CCDC88C: variants seen among roughly 807,000 people sequenced by gnomAD.
CCDC88C encodes the protein protein Daple.
In CCDC88C, 131 loss-of-function variants were observed where a neutral mutation model predicts 198.8. The observed-to-expected ratio is 0.66, with a 90% CI of 0.57 to 0.76. The LOEUF (loss-of-function observed/expected upper bound fraction) is 0.76. CCDC88C is among the 30% of genes least tolerant of loss of function. The probability of loss-of-function intolerance (pLI) is 0.00; values close to 1 mark genes in which losing one functional copy is unlikely to be tolerated. For synonymous variants in CCDC88C, 1,166 were observed against 1,114.7 expected (o/e 1.05, Z -0.92); for missense variants, 2,553 against 2,631.6 (o/e 0.97, Z 0.65).
intron 10 of CCDC88C, among the ~76,000 whole-genome samples, chr14:91,328,814 C>T (rs757293253): frequency 1.3e-4 from 20 of 152,166 alleles, no homozygotes; most frequent in Non-Finnish European, 2.5e-4. Flanking sequence ...CAACTCACAC[C>T]GACAGAGCAC....
intron 2 of CCDC88C, among the ~76,000 whole-genome samples, chr14:91,412,161 T>C (rs2140019542): frequency 6.6e-6 from 1 of 152,196 alleles, no homozygotes; most frequent in South Asian, 2.1e-4. Flanking sequence ...ATCCCTAATT[T>C]ATCACAGGTT....
rs139627172 is a variant in CCDC88C at position 91,336,036 on chromosome 14, A to G, written c.1050+1969T>C. On this transcript the variant is annotated intron_variant, in intron 10 of 29. Coordinates refer to ENST00000389857, the MANE Select transcript of CCDC88C (RefSeq NM_001080414.4). ...CCCTGAGTAAATGTCTCATGCAGAGAGACACTATTTCTCTTTCTCTTGTGA... is the reference window on the plus strand; with the variant it reads ...CCCTGAGTAAATGTCTCATGCAGAGGGACACTATTTCTCTTTCTCTTGTGA... Among the ~76,000 whole-genome samples the G allele has an allele frequency of 7.5e-3, 1,140 of 152,302 alleles. 7 individuals carry two copies. The highest frequency in any genetic ancestry group is 0.012 in the Admixed American group (179 of 15,300).
intron 4 of CCDC88C, among the ~76,000 whole-genome samples, chr14:91,344,618 T>C (rs1221568922): frequency 6.6e-6 from 1 of 151,568 alleles, no homozygotes. Context: ...TTCATGCCAT[T>C]CTCCTGCCTC....
chr14:91,298,105 G>A (rs1031491112), intron 21 of CCDC88C, among the ~76,000 whole-genome samples: 8 of 152,298 alleles, frequency 5.3e-5, no homozygotes, highest in African/African-American at 1.7e-4. Context: ...GGACATAGAC[G>A]TGTCTTATTT....
chr14:91,297,221 C>A, intron 22 of CCDC88C, 84 bp downstream of exon 22: 1 of 1,352,062 alleles, frequency 7.4e-7, no homozygotes, highest in South Asian at 1.3e-5. Flanking sequence ...CCCATGAGGA[C>A]CCCTCACAGC....
In CCDC88C at chr14:91,338,855, C is replaced by G. The variant is rs545998866; in HGVS notation, c.810-285G>C. On this transcript the variant is annotated intron_variant, in intron 8 of 29. Transcript: ENST00000389857. The surrounding 1 kb of genome is among the most constrained non-coding windows in gnomAD (Gnocchi z 4.8). Reference sequence around the variant, plus strand: ...AGACCCCAGCGGCAGCTGTACCACCCCACAGCCAGGCTCCACAGGTGACAT... The same window carrying G: ...AGACCCCAGCGGCAGCTGTACCACCGCACAGCCAGGCTCCACAGGTGACAT... 21 of 499,238 alleles carry G rather than the reference C, an allele frequency of 4.2e-5. No individual in the cohort carries two copies. The South Asian group carries it at 4.4e-4, about 10-fold the overall frequency. 30.9% of individuals were successfully genotyped at this position (499,238 alleles called of 1,614,324 possible).
chr14:91,376,278 C>T (rs114565280), intron 3 of CCDC88C, among the ~76,000 whole-genome samples: 2,744 of 152,314 alleles, frequency 0.018, 75 homozygotes, highest in African/African-American at 0.054. Context: ...GCGCTGTCTG[C>T]TCCTGCTCCC....
chr14:91,286,180 TA>T (rs2139734612), intron 25 of CCDC88C, among the ~76,000 whole-genome samples: 1 of 152,320 alleles, frequency 6.6e-6, no homozygotes, highest in South Asian at 2.1e-4. Flanking sequence ...CTTATTAATT[TA>T]GGGCCCAACT....
chr14:91,365,752 G>A (rs1304432925), intron 3 of CCDC88C, among the ~76,000 whole-genome samples: 1 of 152,048 alleles, frequency 6.6e-6, no homozygotes, highest in Non-Finnish European at 1.5e-5. Context: ...ACTATTAAAG[G>A]CCCAAATCCT....
chr14:91,378,992 G>A (rs1243922547), intron 3 of CCDC88C: 5 of 152,206 alleles, frequency 3.3e-5, no homozygotes, highest in Non-Finnish European at 7.3e-5. Flanking sequence ...GATACCCTTA[G>A]GAGAGAAATC....
chr14:91,345,192 T>TATATATA (rs1596094632), intron 4 of CCDC88C, among the ~76,000 whole-genome samples: 1 of 87,332 alleles, frequency 1.1e-5, no homozygotes, highest in African/African-American at 4.7e-5. Flanking sequence ...ATATATATAT[T>TATATATA]TTTTTTTTTT....
rs572844946 is a variant in CCDC88C at position 91,338,010 on chromosome 14, T to C, written c.1045A>G (p.Met349Val). ...CTCACAGCAAGGCTCCCTACCTCCA[T>C]GCGGGCCTTGTAGAAGTCCACGTCG... ...LHDVDFYKAR[M>V]EELREDNIIL... Residue 349 changes from methionine (M) to valine (V), a missense_variant, in exon 10 of 30, where the codon ATG (methionine) becomes GTG (valine). Around this residue, in one of 2 missense-constraint regions of CCDC88C, gnomAD observed 1,260 missense variants for 1,412.0 expected, o/e 0.89. Coordinates refer to ENST00000389857, the MANE Select transcript of CCDC88C (RefSeq NM_001080414.4). This position sits in a 1 kb window ranked among gnomAD's most constrained non-coding sequence, Gnocchi z 4.8. The C allele has an allele frequency of 8.0e-5, 129 of 1,611,266 alleles. No homozygotes were observed. Among genetic ancestry groups the C allele is most frequent in the African/African-American group, 2.9e-4 (22 of 75,054 alleles).
chr14:91,354,719 T>C (rs150457243), intron 4 of CCDC88C, among the ~76,000 whole-genome samples: 1 of 152,220 alleles, frequency 6.6e-6, no homozygotes, highest in Non-Finnish European at 1.5e-5. Context: ...GGATGCTGTA[T>C]TTACTGAGCA....
At chr14:91,309,409 G>C (rs1273344870) in intron 16 of CCDC88C, among the ~76,000 whole-genome samples, 1 of 152,104 alleles carries the variant, frequency 6.6e-6, no homozygotes, top group Non-Finnish European at 1.5e-5. Flanking sequence ...TTCAAGACCA[G>C]CCTGGCTAAT....
intron 3 of CCDC88C, among the ~76,000 whole-genome samples, chr14:91,387,914 G>A (rs749811029): frequency 1.8e-4 from 27 of 152,172 alleles, no homozygotes; most frequent in Non-Finnish European, 3.5e-4. Context: ...CTCAGACAAC[G>A]GCTTTTAAAT....
At chr14:91,315,399 C>T (rs1195484382) in intron 14 of CCDC88C, among the ~76,000 whole-genome samples, 1 of 152,170 alleles carries the variant, frequency 6.6e-6, no homozygotes, top group Non-Finnish European at 1.5e-5. Context: ...AGCACCACCC[C>T]CTCTCTTCCC....
At chr14:91,298,372 CAAA>C (rs528160354) in intron 21 of CCDC88C, among the ~76,000 whole-genome samples, 1 of 144,756 alleles carries the variant, frequency 6.9e-6, no homozygotes, top group Non-Finnish European at 1.5e-5. Flanking sequence ...GACTCCGTCT[CAAA>C]AAAAAAAATG....
Position 91,273,168 on chromosome 14 carries a change from G to A in CCDC88C, c.5544C>T (p.Pro1848=), listed in dbSNP as rs568924833. 22 of 1,580,108 alleles carry A rather than the reference G, an allele frequency of 1.4e-5. No homozygotes were observed. Among genetic ancestry groups the A allele is most frequent in the Admixed American group, 9.1e-5 (5 of 55,134 alleles). ...RETGSHTLQS[P]APPSSHSLAR... ...CCAGGCTATGGGAGCTGGGGGGTGC[G>A]GGGCTTTGCAGGGTGTGGCTGCCTG... Residue 1848 remains proline (P), a synonymous_variant, in exon 30 of 30, where the codon CCC becomes CCT. Coordinates refer to ENST00000389857, the MANE Select transcript of CCDC88C (RefSeq NM_001080414.4). This position sits in a 1 kb window ranked among gnomAD's most constrained non-coding sequence, Gnocchi z 5.6.
At chr14:91,296,725 T>C (rs1182903955) in intron 22 of CCDC88C, among the ~76,000 whole-genome samples, 1 of 152,220 alleles carries the variant, frequency 6.6e-6, no homozygotes, top group African/African-American at 2.4e-5. Flanking sequence ...AGGTGCCAGC[T>C]GTCCCTGGGG....
Sources: gnomAD v4.1 joint callset for allele counts (sites outside exome capture counted in the v4.1 genomes callset) on GRCh38, gnomAD v4.1.1 for gene constraint, gnomAD v4.1.1 regional missense constraint, Gnocchi (gnomAD v3.1) non-coding constraint, MANE v1.5 for transcripts, NCBI Gene and HGNC (gene_info 2026-07-23, HGNC 2026-07-21) for gene names.